PDE3B: variants seen among roughly 807,000 people sequenced by gnomAD.
PDE3B encodes cGMP-inhibited 3',5'-cyclic phosphodiesterase 3B.
Under a neutral mutation model 116.8 loss-of-function variants are expected in PDE3B, and 66 were observed. The observed-to-expected ratio is 0.56, with a 90% CI of 0.46 to 0.69. PDE3B has a LOEUF of 0.69. Ranked by LOEUF, PDE3B falls within the 30% of genes least tolerant of loss-of-function variation. The probability of loss-of-function intolerance (pLI) is 0.00; values close to 1 mark genes in which losing one functional copy is unlikely to be tolerated. For synonymous variants in PDE3B, 595 were observed against 533.6 expected, an observed-to-expected ratio of 1.12 and a Z score of -1.59; for missense variants, 1,384 against 1,368.1, an observed-to-expected ratio of 1.01 and a Z score of -0.18.
intron 2 of PDE3B, among the ~76,000 whole-genome samples, chr11:14,782,629 A>C (rs967137123): frequency 6.6e-6 from 1 of 152,244 alleles, no homozygotes; most frequent in African/African-American, 2.4e-5. Context: ...TTAAAGACTT[A>C]AACGTTAGAC....
intron 12 of PDE3B, among the ~76,000 whole-genome samples, chr11:14,858,783 GATAAACTTTAAAGATAT>G (rs1199554081): frequency 1.3e-5 from 2 of 152,174 alleles, no homozygotes; most frequent in Non-Finnish European, 2.9e-5. Flanking sequence ...TGTCTGCAAA[GATAAACTTTAAAGATAT>G]ATAACCCTTT....
chr11:14,836,190 T>A (rs963388690), intron 11 of PDE3B, among the ~76,000 whole-genome samples: 5 of 152,210 alleles, frequency 3.3e-5, no homozygotes, highest in African/African-American at 7.2e-5. Flanking sequence ...TTTCTTCAAC[T>A]TTTTTGTTTT....
At chr11:14,805,999 C>G (rs749772559) in intron 5 of PDE3B, among the ~76,000 whole-genome samples, 6 of 152,138 alleles carry the variant, frequency 3.9e-5, no homozygotes, top group African/African-American at 9.7e-5. Flanking sequence ...ACAACAGATG[C>G]TGGAGAGGAG....
intron 1 of PDE3B, among the ~76,000 whole-genome samples, chr11:14,757,907 G>C (rs1250221526): frequency 1.3e-5 from 2 of 149,976 alleles, no homozygotes; most frequent in African/African-American, 4.9e-5. Context: ...GTAATGCCTA[G>C]GTTTTCTTCT....
intron 1 of PDE3B, among the ~76,000 whole-genome samples, chr11:14,682,114 A>G (rs1455833629): frequency 6.6e-6 from 1 of 152,224 alleles, no homozygotes; most frequent in African/African-American, 2.4e-5. Flanking sequence ...GAAGTGGATT[A>G]TCATAAAGGT....
At chr11:14,786,415 A>C in intron 2 of PDE3B, 22 bp from the exon 3 acceptor site, 1 of 1,596,846 alleles carries the variant, frequency 6.3e-7, no homozygotes, top group Non-Finnish European at 8.6e-7. Context: ...ATGAATGAAA[A>C]TTTCACTTTT....
intron 1 of PDE3B, among the ~76,000 whole-genome samples, chr11:14,709,737 C>T (rs1228081167): frequency 6.6e-6 from 1 of 152,078 alleles, no homozygotes; most frequent in Non-Finnish European, 1.5e-5. Context: ...GTTTATTTCC[C>T]CTTTACTCTT....
Position 14,643,949 on chromosome 11 carries a change from G to C in PDE3B, c.-127G>C, listed in dbSNP as rs1853270912. 7.6e-7 allele frequency: 1 copy of C among 1,311,366 alleles called. No individual in the cohort carries two copies. Among genetic ancestry groups the C allele is most frequent in the Non-Finnish European group, 9.7e-7 (1 of 1,025,860 alleles). 81.2% of individuals were successfully genotyped at this position (1,311,366 alleles called of 1,614,324 possible). A position where few individuals can be genotyped will look rare whatever the true frequency, so the allele number is the denominator to read the frequency against. On this transcript the variant is annotated 5_prime_UTR_variant, in exon 1 of 16. Coordinates refer to ENST00000282096, the MANE Select transcript of PDE3B (RefSeq NM_000922.4). ...GTGGGGACCCCGGGCCGTGGCGGCC[G>C]GCGCAGCCCTGACGGGTTGCGAACC...
At position 14,831,573 on chromosome 11, in the gene PDE3B, A is replaced by T. The variant is rs899740818; in HGVS notation, c.1957-67A>T. 3 of 971,714 alleles carry T rather than the reference A, an allele frequency of 3.1e-6. No individual in the cohort carries two copies. In the African/African-American group the frequency reaches 5.2e-5, roughly 17 times the overall value. 60.2% of individuals were successfully genotyped at this position (971,714 alleles called of 1,614,324 possible). ...TAAATGTTTAATCCTAAGTGTTCTC[A>T]TTGTAATATATATTTTACAGTATTT... On this transcript the variant is annotated intron_variant, in intron 8 of 15. Coordinates refer to ENST00000282096, the MANE Select transcript of PDE3B (RefSeq NM_000922.4).
At chr11:14,885,993 G>A in the PDE3B span, 7 of 1,425,408 alleles carry the variant, frequency 4.9e-6, no homozygotes, top group Non-Finnish European at 5.9e-6. Context: ...TCTACAAGTG[G>A]TAAGTGCGGC....
intron 1 of PDE3B, among the ~76,000 whole-genome samples, chr11:14,702,957 T>C (rs1413169883): frequency 1.3e-5 from 2 of 151,924 alleles, no homozygotes; most frequent in African/African-American, 4.8e-5. Context: ...TCATTTCTGC[T>C]ACCTTACTCA....
At chr11:14,811,012 G>T (rs1025024035) in intron 5 of PDE3B, among the ~76,000 whole-genome samples, 2 of 151,974 alleles carry the variant, frequency 1.3e-5, no homozygotes, top group African/African-American at 4.8e-5. Context: ...TGTTGATGGG[G>T]TTGTTTGTTT....
intron 1 of PDE3B, among the ~76,000 whole-genome samples, chr11:14,749,920 T>TATA (rs1554989222): frequency 2.4e-5 from 1 of 41,520 alleles, no homozygotes; most frequent in African/African-American, 9.5e-5. Flanking sequence ...ATATGTATCT[T>TATA]TGTGGAAGCT....
At chr11:14,756,746 C>T (rs1857191008) in intron 1 of PDE3B, among the ~76,000 whole-genome samples, 1 of 151,900 alleles carries the variant, frequency 6.6e-6, no homozygotes, top group South Asian at 2.1e-4. Context: ...CATGAGCAAT[C>T]TGGACTACAT....
intron 2 of PDE3B, chr11:14,772,749 G>A (rs903299478): frequency 5.9e-5 from 9 of 151,584 alleles, no homozygotes; most frequent in African/African-American, 2.2e-4. Flanking sequence ...TTTAATATAA[G>A]GAGAAAAAAG....
In PDE3B at chr11:14,761,127, G is replaced by T. The variant is rs149662884; in HGVS notation, c.979-10810G>T. Among the ~76,000 whole-genome samples, 229 of 151,966 alleles carry T rather than the reference G, an allele frequency of 1.5e-3. 2 individuals carry two copies. The highest frequency in any genetic ancestry group is 0.013 in the Admixed American group (193 of 15,260). On this transcript the variant is annotated intron_variant, in intron 1 of 15. Coordinates refer to ENST00000282096, the MANE Select transcript of PDE3B (RefSeq NM_000922.4). ...CTTGTGTATTTGCTTCCTAATAAAC[G>T]AGCAGCGCTATTAATATAGAAAAAA...
the PDE3B span, among the ~76,000 whole-genome samples, chr11:14,885,046 C>T: frequency 6.6e-6 from 1 of 151,998 alleles, no homozygotes; most frequent in African/African-American, 2.4e-5. Flanking sequence ...TAATTTTTGC[C>T]TTTTCAACCA....
At position 14,789,038 on chromosome 11, in the gene PDE3B, A is replaced by G. The variant is rs929455606; in HGVS notation, c.1279-68A>G. The G allele has an allele frequency of 2.7e-5, 29 of 1,056,972 alleles. No homozygotes were observed. The Middle Eastern group carries it at 6.5e-4, about 24-fold the overall frequency. 65.5% of individuals were successfully genotyped at this position (1,056,972 alleles called of 1,614,324 possible). On this transcript the variant is annotated intron_variant, in intron 3 of 15. Coordinates refer to ENST00000282096, the MANE Select transcript of PDE3B (RefSeq NM_000922.4). ...CTTTGTATTGATACTTTCATGTGCC[A>G]TCACTAATATTACATATATAGCATA...
At chr11:14,818,722 A>G (rs1859414182) in intron 6 of PDE3B, among the ~76,000 whole-genome samples, 2 of 152,044 alleles carry the variant, frequency 1.3e-5, no homozygotes, top group African/African-American at 4.8e-5. Flanking sequence ...CTAAATAAAT[A>G]TCTTCTCATT....
Sources: gnomAD v4.1 joint callset for allele counts (sites outside exome capture counted in the v4.1 genomes callset) on GRCh38, gnomAD v4.1.1 for gene constraint, MANE v1.5 for transcripts, NCBI Gene and HGNC (gene_info 2026-07-23, HGNC 2026-07-21) for gene names.